Variants in ABAT observed in about 807,000 individuals in gnomAD.
The protein encoded by ABAT is 4-aminobutyrate aminotransferase, mitochondrial.
In ABAT, 45 loss-of-function variants were observed where a neutral mutation model predicts 64.6. That is an observed-to-expected ratio of 0.70 (90% CI 0.55 to 0.89). The LOEUF (loss-of-function observed/expected upper bound fraction) is 0.89. Among genes scored for constraint, ABAT ranks in the 40% least tolerant of loss-of-function variants. ABAT has a pLI of 0.00. For missense variants in ABAT, 633 were observed against 658.4 expected (o/e 0.96, Z 0.42); for synonymous variants, 297 against 250.5 (o/e 1.19, Z -1.75).
intron 5 of ABAT, among the ~76,000 whole-genome samples, chr16:8,751,716 G>A (rs756858844): frequency 1.3e-5 from 2 of 152,158 alleles, no homozygotes; most frequent in South Asian, 4.1e-4. Flanking sequence ...GGCAGCTGGA[G>A]TTATTATCAA....
At chr16:8,766,903 G>A (rs908600700) in intron 9 of ABAT, among the ~76,000 whole-genome samples, 4 of 151,474 alleles carry the variant, frequency 2.6e-5, no homozygotes, top group African/African-American at 4.9e-5. Flanking sequence ...CGACGGGCGC[G>A]GAGGTTGCAG....
intron 5 of ABAT, among the ~76,000 whole-genome samples, chr16:8,753,374 C>T (rs559252914): frequency 1.3e-5 from 2 of 152,258 alleles, no homozygotes; most frequent in Non-Finnish European, 2.9e-5. Flanking sequence ...GGAATACAGG[C>T]GTGAGCCACC....
chr16:8,762,174 A>G (rs976351946), intron 6 of ABAT, among the ~76,000 whole-genome samples: 5 of 152,122 alleles, frequency 3.3e-5, no homozygotes, highest in African/African-American at 1.2e-4. Flanking sequence ...TCCAGTTACT[A>G]TTTCTTATGT....
chr16:8,781,708 C>A lies in ABAT; in HGVS notation c.*278C>A, dbSNP rs1226793412. 3.8e-6 allele frequency: 2 copies of A among 523,044 alleles called. No individual in the cohort carries two copies. Among genetic ancestry groups the A allele is most frequent in the Non-Finnish European group, 6.9e-6 (2 of 289,394 alleles). 32.4% of individuals were successfully genotyped at this position (523,044 alleles called of 1,614,324 possible). On this transcript the variant is annotated 3_prime_UTR_variant, in exon 16 of 16. Transcript: ENST00000268251. The surrounding 1 kb of genome is among the most constrained non-coding windows in gnomAD (Gnocchi z 4.5). The stretch of plus-strand genomic sequence containing the variant: ...ATCTTGGGAAGGGCCATGGGAGGTC[C>A]TGGCTAGAGTTCTGCCCAACCTTGA...
intron 1 of ABAT, among the ~76,000 whole-genome samples, chr16:8,679,111 G>T (rs2057272208): frequency 6.6e-6 from 1 of 152,138 alleles, no homozygotes; most frequent in African/African-American, 2.4e-5. Context: ...TTGAGCCCAG[G>T]AGTTTGAGGC....
At chr16:8,706,476 G>A (rs759431033) in intron 1 of ABAT, among the ~76,000 whole-genome samples, 222 of 151,446 alleles carry the variant, frequency 1.5e-3, no homozygotes, top group Non-Finnish European at 2.4e-3. Context: ...CACTTTGGGA[G>A]GCTGAGGTGG....
chr16:8,684,870 G>A (rs1388652357), intron 1 of ABAT, among the ~76,000 whole-genome samples: 1 of 152,160 alleles, frequency 6.6e-6, no homozygotes, highest in African/African-American at 2.4e-5. Context: ...GCACAAATAT[G>A]TAAAGAGTAA....
In ABAT at chr16:8,764,264, G is replaced by A. The variant is rs1279537727; in HGVS notation, c.447+115G>A. 1 of 921,404 alleles carries A rather than the reference G, an allele frequency of 1.1e-6. No individual in the cohort carries two copies. Among genetic ancestry groups the A allele is most frequent in the Non-Finnish European group, 1.7e-6 (1 of 573,618 alleles). 57.1% of individuals were successfully genotyped at this position (921,404 alleles called of 1,614,324 possible). On this transcript the variant is annotated intron_variant, in intron 7 of 15. Coordinates refer to ENST00000268251, the MANE Select transcript of ABAT (RefSeq NM_020686.6). The surrounding 1 kb of genome is among the most constrained non-coding windows in gnomAD (Gnocchi z 4.2). Reference sequence around the variant, plus strand: ...TGTTGCTACAGAAATCTTTCTCTCTGAGCTTATTCTTCCATGCAGAGTATT... The same window carrying A: ...TGTTGCTACAGAAATCTTTCTCTCTAAGCTTATTCTTCCATGCAGAGTATT...
chr16:8,732,729 C>T (rs1252935927), intron 1 of ABAT, among the ~76,000 whole-genome samples: 1 of 150,998 alleles, frequency 6.6e-6, no homozygotes, highest in Non-Finnish European at 1.5e-5. Context: ...TCTCAATGAG[C>T]TGTCGGGCAC....
At chr16:8,732,067 G>T (rs1236854354) in intron 1 of ABAT, among the ~76,000 whole-genome samples, 1 of 152,002 alleles carries the variant, frequency 6.6e-6, no homozygotes, top group Non-Finnish European at 1.5e-5. Context: ...TGGCCAGGCT[G>T]GTCTTGAACA....
intron 2 of ABAT, 46 bp downstream of exon 2, chr16:8,735,855 C>T (rs1227887839): frequency 1.3e-6 from 2 of 1,524,072 alleles, no homozygotes; most frequent in Non-Finnish European, 1.8e-6. Flanking sequence ...ATGGAAGATA[C>T]CATCCAGACT....
Position 8,781,743 on chromosome 16 carries a change from G to T in ABAT, c.*313G>T. ...TTCTGCCCAACCTTGACCAACCCCA[G>T]CAATTTTTCCAAAAGCCAGTCAAGG... On this transcript the variant is annotated 3_prime_UTR_variant, in exon 16 of 16. Transcript: ENST00000268251. This position sits in a 1 kb window ranked among gnomAD's most constrained non-coding sequence, Gnocchi z 4.5. 2.2e-6 allele frequency: 1 copy of T among 450,660 alleles called. No individual in the cohort carries two copies. Among genetic ancestry groups the T allele is most frequent in the African/African-American group, 2.0e-5 (1 of 50,394 alleles). 27.9% of individuals were successfully genotyped at this position (450,660 alleles called of 1,614,324 possible). A position where few individuals can be genotyped will look rare whatever the true frequency, so the allele number is the denominator to read the frequency against.
chr16:8,696,452 G>A (rs1314510009), intron 1 of ABAT, among the ~76,000 whole-genome samples: 1 of 152,090 alleles, frequency 6.6e-6, no homozygotes, highest in Non-Finnish European at 1.5e-5. Flanking sequence ...ATGAAGCCCT[G>A]TCTCTACTAA....
Position 8,701,254 on chromosome 16 carries a change from C to T in ABAT, c.-42+26543C>T, listed in dbSNP as rs148646898. On this transcript the variant is annotated intron_variant, in intron 1 of 15. Transcript: ENST00000268251. ...AGTCTTGACCTTAATTCTTTAACAA[C>T]AGCAGTATGGACTGTGAAGGAAACA... Among the ~76,000 whole-genome samples the T allele has an allele frequency of 2.9e-3, 438 of 152,348 alleles. 3 individuals carry two copies. Among genetic ancestry groups the T allele is most frequent in the African/African-American group, 9.8e-3 (409 of 41,588 alleles).
intron 1 of ABAT, chr16:8,715,604 G>C (rs1329056323): frequency 3.1e-5 from 4 of 127,290 alleles, no homozygotes; most frequent in African/African-American, 9.1e-5. Flanking sequence ...CTGCACTCCA[G>C]CCTAGGTGAT....
chr16:8,759,895 C>T (rs1217014921), intron 6 of ABAT, among the ~76,000 whole-genome samples: 34 of 152,142 alleles, frequency 2.2e-4, no homozygotes, highest in Non-Finnish European at 2.9e-5. Context: ...CAGTGTGTAT[C>T]TTTACCTCGT....
chr16:8,690,878 A>C (rs1237656582), intron 1 of ABAT, among the ~76,000 whole-genome samples: 1 of 152,196 alleles, frequency 6.6e-6, no homozygotes, highest in Non-Finnish European at 1.5e-5. Flanking sequence ...TGTTGTTTTC[A>C]TGAATGTAGG....
intron 2 of ABAT, among the ~76,000 whole-genome samples, chr16:8,741,536 T>C (rs1032687466): frequency 6.6e-6 from 1 of 152,230 alleles, no homozygotes; most frequent in African/African-American, 2.4e-5. Flanking sequence ...AGATAAGCCA[T>C]GTAAATTGCT....
chr16:8,736,712 G>A (rs898651037), intron 2 of ABAT: 1 of 152,190 alleles, frequency 6.6e-6, no homozygotes, highest in Non-Finnish European at 1.5e-5. Flanking sequence ...ATAGTCCCAT[G>A]AGGGAGGGAG....
Sources: allele counts gnomAD v4.1 joint callset (sites outside exome capture counted in the v4.1 genomes callset), GRCh38; gene constraint gnomAD v4.1.1; non-coding constraint Gnocchi (gnomAD v3.1); transcripts MANE v1.5; gene names NCBI Gene and HGNC (gene_info 2026-07-23, HGNC 2026-07-21).